YY1: variants seen among roughly 807,000 people sequenced by gnomAD.
YY1 encodes the protein transcriptional repressor protein YY1.
A neutral mutation model predicts 35.6 loss-of-function variants in YY1; 2 were observed. The observed-to-expected ratio is 0.06, with a 90% CI of 0.02 to 0.18. The LOEUF (loss-of-function observed/expected upper bound fraction) is 0.18. Among genes scored for constraint, YY1 ranks in the 10% least tolerant of loss-of-function variants. YY1 has a pLI of 1.00. For synonymous variants in YY1, 268 were observed against 238.9 expected, an observed-to-expected ratio of 1.12 and a Z score of -1.12; for missense variants, 322 against 573.4, an observed-to-expected ratio of 0.56 and a Z score of 4.48.
intron 1 of YY1, among the ~76,000 whole-genome samples, chr14:100,256,137 G>A (rs1891002245): frequency 6.7e-6 from 1 of 148,556 alleles, no homozygotes; most frequent in African/African-American, 2.5e-5. Context: ...GCCAGACCCT[G>A]TCACAAAAAA....
chr14:100,255,092 C>T (rs1595320420), intron 1 of YY1, among the ~76,000 whole-genome samples: 1 of 151,556 alleles, frequency 6.6e-6, no homozygotes, highest in East Asian at 1.9e-4. Flanking sequence ...CCACTGTGCC[C>T]AGCCAGCCTA....
rs559867149 is a variant in YY1, at chr14:100,272,312, A to G, written c.843-2386A>G. ...CTCTGTCTCAAAAAAAAAAAAAAGA[A>G]AGAAAAGGAAAAGAGAAAATGTTCT... On this transcript the variant is annotated intron_variant, in intron 2 of 4. Transcript: ENST00000262238. 2.6e-5 allele frequency among the ~76,000 whole-genome samples: 4 copies of G among 151,812 alleles called. No individual in the cohort carries two copies. In the South Asian group the frequency reaches 8.3e-4, roughly 32 times the overall value.
rs964154540 is a variant in YY1, at chr14:100,277,938, T to C, written c.*338T>C. 2.9e-5 allele frequency: 8 copies of C among 275,372 alleles called. No individual in the cohort carries two copies. Among genetic ancestry groups the C allele is most frequent in the African/African-American group, 1.6e-4 (7 of 44,516 alleles). The allele number at this position is 275,372 out of a possible 1,614,324, so 17.1% of individuals were successfully genotyped here. ...AAAAATGGGACTTCTTTTCACATTC[T>C]TATAAATATGAAGCTCACCTGTTGC... On this transcript the variant is annotated 3_prime_UTR_variant, in exon 5 of 5. Coordinates refer to ENST00000262238, the MANE Select transcript of YY1 (RefSeq NM_003403.5). This position sits in a 1 kb window ranked among gnomAD's most constrained non-coding sequence, Gnocchi z 5.6.
intron 1 of YY1, among the ~76,000 whole-genome samples, chr14:100,248,296 T>C (rs537603957): frequency 4.9e-4 from 75 of 151,996 alleles, no homozygotes; most frequent in Admixed American, 9.2e-4. Flanking sequence ...TTTTTCTTTG[T>C]ATTTTTTAGT....
chr14:100,278,787 G>T lies in YY1; in HGVS notation c.*1187G>T, dbSNP rs776400600. ...GTGTGAGTGAAGCATCTGTACCACC[G>T]CGCAGGCTGAGCGCCTGCGCAGGGT... On this transcript the variant is annotated 3_prime_UTR_variant, in exon 5 of 5. Transcript: ENST00000262238. 1 of 152,240 alleles carries T rather than the reference G, an allele frequency of 6.6e-6. No homozygotes were observed. The highest frequency in any genetic ancestry group is 2.4e-5 in the African/African-American group (1 of 41,452). 9.4% of individuals were successfully genotyped at this position (152,240 alleles called of 1,614,324 possible).
At chr14:100,257,182 A>T (rs1169293957) in intron 1 of YY1, among the ~76,000 whole-genome samples, 3 of 152,104 alleles carry the variant, frequency 2.0e-5, no homozygotes, top group Non-Finnish European at 2.9e-5. Flanking sequence ...TTTCAATATT[A>T]GAATTGCTCA....
intron 1 of YY1, among the ~76,000 whole-genome samples, chr14:100,260,242 A>G (rs1891062022): frequency 6.6e-6 from 1 of 151,496 alleles, no homozygotes; most frequent in African/African-American, 2.4e-5. Flanking sequence ...ACACCTGGCT[A>G]ATTTTTGTAT....
chr14:100,243,985 G>A (rs1890790345), intron 1 of YY1, among the ~76,000 whole-genome samples: 1 of 151,788 alleles, frequency 6.6e-6, no homozygotes, highest in South Asian at 2.1e-4. Context: ...GCGGGTGCCT[G>A]TAGTGCCAGC....
In YY1 at chr14:100,262,203, G is replaced by A. The variant is rs536439586; in HGVS notation, c.680-101G>A. On this transcript the variant is annotated intron_variant, in intron 1 of 4. Transcript: ENST00000262238. ...AGAGGGGAGAACAAATTGAGCTGGT[G>A]GCTATAAATCACCCCATTTAAGAAG... The A allele has an allele frequency of 2.9e-5, 37 of 1,267,258 alleles. No homozygotes were observed. In the East Asian group the frequency reaches 8.9e-4, roughly 31 times the overall value. The allele number at this position is 1,267,258 out of a possible 1,614,324, so 78.5% of individuals were successfully genotyped here. A position where few individuals can be genotyped will look rare whatever the true frequency, so the allele number is the denominator to read the frequency against.
intron 1 of YY1, among the ~76,000 whole-genome samples, chr14:100,248,864 AT>A (rs2139573461): frequency 6.7e-6 from 1 of 149,582 alleles, no homozygotes; most frequent in East Asian, 2.0e-4. Context: ...ATTTTTTTGT[AT>A]TTTTGGTAGA....
intron 2 of YY1, among the ~76,000 whole-genome samples, chr14:100,271,484 C>T (rs1264114159): frequency 6.6e-6 from 1 of 152,160 alleles, no homozygotes; most frequent in Non-Finnish European, 1.5e-5. Flanking sequence ...CTTAAAAAAA[C>T]TTGCTAACTG....
chr14:100,242,405 T>TGAGATGGAGTCTCGC (rs1890763080), intron 1 of YY1, among the ~76,000 whole-genome samples: 2 of 126,068 alleles, frequency 1.6e-5, no homozygotes, highest in African/African-American at 6.0e-5. Flanking sequence ...TTTTTTTTTT[T>TGAGATGGAGTCTCGC]TGAGATGGAG....
rs1034536607 is a variant in YY1 at position 100,277,321 on chromosome 14, A to G, written c.1063-97A>G. Reference sequence around the variant, plus strand: ...GGCAGGAATGAAAAGTGTTTGGTAAAATAAATAGGCTGTTCTCTAGCAAAG... The same window carrying G: ...GGCAGGAATGAAAAGTGTTTGGTAAGATAAATAGGCTGTTCTCTAGCAAAG... On this transcript the variant is annotated intron_variant, in intron 4 of 4. Transcript: ENST00000262238. The surrounding 1 kb of genome is among the most constrained non-coding windows in gnomAD (Gnocchi z 5.6). 1 of 1,437,122 alleles carries G rather than the reference A, an allele frequency of 7.0e-7. No homozygotes were observed. Among genetic ancestry groups the G allele is most frequent in the Non-Finnish European group, 9.8e-7 (1 of 1,023,972 alleles). 89.0% of individuals were successfully genotyped at this position (1,437,122 alleles called of 1,614,324 possible).
chr14:100,255,999 T>TTA (rs1891000427), intron 1 of YY1, among the ~76,000 whole-genome samples: 1 of 152,188 alleles, frequency 6.6e-6, no homozygotes, highest in Non-Finnish European at 1.5e-5. Context: ...GAGTCAGGCA[T>TTA]GGTATTGTGG....
chr14:100,257,428 C>T (rs1891020133), intron 1 of YY1, among the ~76,000 whole-genome samples: 1 of 152,164 alleles, frequency 6.6e-6, no homozygotes, highest in Non-Finnish European at 1.5e-5. Context: ...GAGACATGCC[C>T]TCTGGGGTAG....
rs1891295092 is a variant in YY1, at chr14:100,274,693, A to G, written c.843-5A>G. The G allele has an allele frequency of 1.9e-6, 3 of 1,613,172 alleles. No homozygotes were observed. Among genetic ancestry groups the G allele is most frequent in the African/African-American group, 2.7e-5 (2 of 74,902 alleles). ...TCTGTCTGTCTCTCTTTTTCTTTTG[A>G]TAAGAATGAAGCCAAGAAAAATTAA... On this transcript the variant is annotated splice_polypyrimidine_tract_variant and splice_region_variant and intron_variant, in intron 2 of 4. Coordinates refer to ENST00000262238, the MANE Select transcript of YY1 (RefSeq NM_003403.5).
At chr14:100,257,752 C>A (rs773276808) in intron 1 of YY1, among the ~76,000 whole-genome samples, 1 of 152,184 alleles carries the variant, frequency 6.6e-6, no homozygotes, top group African/African-American at 2.4e-5. Flanking sequence ...CTTAAGCCAC[C>A]TAATCTATAT....
intron 1 of YY1, among the ~76,000 whole-genome samples, chr14:100,260,761 G>C (rs1183189596): frequency 7.5e-6 from 1 of 132,544 alleles, no homozygotes; most frequent in Non-Finnish European, 1.6e-5. Flanking sequence ...GTGAGCCACC[G>C]TGCCTGGTCC....
chr14:100,239,446 G>A lies in YY1; in HGVS notation c.202G>A (p.Ala68Thr), dbSNP rs1246486173. ...DHGGGGGHGH[A>T]GHHHHHHHHH... The stretch of plus-strand genomic sequence containing the variant: ...CGGCGGCGGGGGCGGCCACGGGCAC[G>A]CCGGCCACCACCACCACCACCATCA... The change falls in exon 1 of 5, where the codon GCC becomes ACC. Residue 68 changes from alanine (A) to threonine (T), a missense_variant. Coordinates refer to ENST00000262238, the MANE Select transcript of YY1 (RefSeq NM_003403.5). 3.1e-6 allele frequency: 5 copies of A among 1,592,894 alleles called. No homozygotes were observed. Among genetic ancestry groups the A allele is most frequent in the Middle Eastern group, 1.7e-4 (1 of 5,950 alleles).
Sources: allele counts gnomAD v4.1 joint callset (sites outside exome capture counted in the v4.1 genomes callset), GRCh38; gene constraint gnomAD v4.1.1; non-coding constraint Gnocchi (gnomAD v3.1); transcripts MANE v1.5; gene names NCBI Gene and HGNC (gene_info 2026-07-23, HGNC 2026-07-21).